HECW1: variants seen among roughly 807,000 people sequenced by gnomAD.
The protein encoded by HECW1 is E3 ubiquitin-protein ligase HECW1.
Under a neutral mutation model 182.3 loss-of-function variants are expected in HECW1, and 61 were observed. That is an observed-to-expected ratio of 0.33 (90% CI 0.27 to 0.41). HECW1 has a LOEUF of 0.41. HECW1 is among the 10% of genes least tolerant of loss of function. HECW1 has a pLI of 1.00. For synonymous variants in HECW1, 859 were observed against 832.6 expected (o/e 1.03, Z -0.55); for missense variants, 1,739 against 2,108.9 (o/e 0.82, Z 3.44).
chr7:43,410,869 T>G (rs895097147), intron 8 of HECW1, among the ~76,000 whole-genome samples: 5 of 152,272 alleles, frequency 3.3e-5, no homozygotes, highest in Admixed American at 3.3e-4. Context: ...CATTTATATA[T>G]TGGTGAATTG....
At chr7:43,466,227 A>G (rs185233410) in intron 14 of HECW1, among the ~76,000 whole-genome samples, 1 of 152,240 alleles carries the variant, frequency 6.6e-6, no homozygotes, top group African/African-American at 2.4e-5. Flanking sequence ...ATAAAAGGGA[A>G]GAGATGTTGG....
At chr7:43,119,952 G>A (rs1199054070) in intron 2 of HECW1, among the ~76,000 whole-genome samples, 1 of 152,134 alleles carries the variant, frequency 6.6e-6, no homozygotes, top group African/African-American at 2.4e-5. Flanking sequence ...CAGCCCAAAC[G>A]AGCCTTTAAA....
At chr7:43,340,975 A>T (rs941211798) in intron 5 of HECW1, among the ~76,000 whole-genome samples, 1 of 151,790 alleles carries the variant, frequency 6.6e-6, no homozygotes, top group Non-Finnish European at 1.5e-5. Flanking sequence ...AATACTATGC[A>T]GCCATAAAAA....
chr7:43,418,946 T>A (rs1178799360), intron 8 of HECW1, among the ~76,000 whole-genome samples: 1 of 152,192 alleles, frequency 6.6e-6, no homozygotes, highest in Non-Finnish European at 1.5e-5. Context: ...GACAATTGAT[T>A]TGGCGCAGCT....
chr7:43,436,952 C>T (rs1019178428), intron 8 of HECW1, among the ~76,000 whole-genome samples: 4 of 152,220 alleles, frequency 2.6e-5, no homozygotes, highest in African/African-American at 9.6e-5. Flanking sequence ...GCAACCTCCA[C>T]CTCCCAGGTT....
At chr7:43,366,029 G>C (rs1816602143) in intron 6 of HECW1, among the ~76,000 whole-genome samples, 1 of 151,108 alleles carries the variant, frequency 6.6e-6, no homozygotes, top group Non-Finnish European at 1.5e-5. Context: ...CTTGAACCTG[G>C]GAGGTAGAGG....
chr7:43,175,709 TG>T (rs1792160629), intron 2 of HECW1, among the ~76,000 whole-genome samples: 1 of 152,242 alleles, frequency 6.6e-6, no homozygotes, highest in Non-Finnish European at 1.5e-5. Context: ...GGGAAAAGCA[TG>T]AAACCTTTGT....
At chr7:43,149,966 G>T (rs1402289994) in intron 2 of HECW1, among the ~76,000 whole-genome samples, 3 of 152,098 alleles carry the variant, frequency 2.0e-5, no homozygotes, top group Non-Finnish European at 4.4e-5. Flanking sequence ...TGAATGCAAT[G>T]CAATTCTATT....
At chr7:43,503,405 T>G (rs1338695907) in intron 21 of HECW1, among the ~76,000 whole-genome samples, 1 of 152,206 alleles carries the variant, frequency 6.6e-6, no homozygotes, top group Non-Finnish European at 1.5e-5. Context: ...TATGCTTTGG[T>G]CTACAGACTT....
At chr7:43,120,541 G>A (rs1250342462) in intron 2 of HECW1, among the ~76,000 whole-genome samples, 1 of 152,170 alleles carries the variant, frequency 6.6e-6, no homozygotes, top group Non-Finnish European at 1.5e-5. Context: ...AATGTTTGCT[G>A]ACTGACCGAA....
intron 12 of HECW1, among the ~76,000 whole-genome samples, chr7:43,453,159 TG>T (rs1458453801): frequency 6.6e-6 from 1 of 152,140 alleles, no homozygotes; most frequent in Non-Finnish European, 1.5e-5. Flanking sequence ...CCCAAGTTGC[TG>T]TGTAGGGAAT....
At chr7:43,118,379 A>G (rs1050809889) in intron 2 of HECW1, 3 of 152,628 alleles carry the variant, frequency 2.0e-5, no homozygotes, top group African/African-American at 7.2e-5. Flanking sequence ...GGAGAAACAT[A>G]AATCTCAGCC....
At chr7:43,332,504 A>T (rs1299357281) in intron 5 of HECW1, among the ~76,000 whole-genome samples, 2 of 152,234 alleles carry the variant, frequency 1.3e-5, no homozygotes, top group African/African-American at 4.8e-5. Context: ...TATGGGGCAG[A>T]CAAGGGACAC....
intron 8 of HECW1, among the ~76,000 whole-genome samples, chr7:43,433,025 TG>T (rs2076601271): frequency 6.6e-6 from 1 of 152,228 alleles, no homozygotes; most frequent in East Asian, 1.9e-4. Flanking sequence ...AGCACATCAG[TG>T]GTTTTCAACA....
At chr7:43,136,891 T>A (rs1583643109) in intron 2 of HECW1, among the ~76,000 whole-genome samples, 1 of 152,322 alleles carries the variant, frequency 6.6e-6, no homozygotes, top group South Asian at 2.1e-4. Flanking sequence ...CTGATCCCAC[T>A]GTTTTCAAGG....
At chr7:43,461,582 C>T (rs1375892945) in intron 13 of HECW1, among the ~76,000 whole-genome samples, 1 of 152,212 alleles carries the variant, frequency 6.6e-6, no homozygotes, top group East Asian at 1.9e-4. Context: ...TTGCTGGCAA[C>T]CCCTGCTTTC....
chr7:43,284,502 CAAAA>C (rs1165081149), intron 3 of HECW1, among the ~76,000 whole-genome samples: 2 of 53,790 alleles, frequency 3.7e-5, no homozygotes, highest in African/African-American at 1.0e-4. Flanking sequence ...CCCATTTCTA[CAAAA>C]AAAAAAAAAA....
chr7:43,242,052 G>A (rs1324857261), intron 2 of HECW1, among the ~76,000 whole-genome samples: 1 of 152,114 alleles, frequency 6.6e-6, no homozygotes, highest in Non-Finnish European at 1.5e-5. Context: ...TCACAGGTCA[G>A]GAGGAGGGAG....
In HECW1 at chr7:43,243,568, A is replaced by G. The variant is rs929742174; in HGVS notation, c.-31-307A>G. Among the ~76,000 whole-genome samples the G allele has an allele frequency of 6.6e-6, 1 of 150,950 alleles. No individual in the cohort carries two copies. Among genetic ancestry groups the G allele is most frequent in the African/African-American group, 2.4e-5 (1 of 40,820 alleles). On this transcript the variant is annotated intron_variant, in intron 2 of 29. Transcript: ENST00000395891. This position sits in a 1 kb window ranked among gnomAD's most constrained non-coding sequence, Gnocchi z 4.0. Reference sequence around the variant, plus strand: ...GCAGAACTTCTCTTTCCCCACAAACACCCACACCAGATCCTTGTTTCTTGA... The same window carrying G: ...GCAGAACTTCTCTTTCCCCACAAACGCCCACACCAGATCCTTGTTTCTTGA...
Sources: allele counts gnomAD v4.1 joint callset (sites outside exome capture counted in the v4.1 genomes callset), GRCh38; gene constraint gnomAD v4.1.1; non-coding constraint Gnocchi (gnomAD v3.1); transcripts MANE v1.5; gene names NCBI Gene and HGNC (gene_info 2026-07-23, HGNC 2026-07-21).